PITPNA: variants seen among roughly 807,000 people sequenced by gnomAD.
The protein encoded by PITPNA is phosphatidylinositol transfer protein alpha.
In PITPNA, 13 loss-of-function variants were observed where a neutral mutation model predicts 50.3. The observed-to-expected ratio is 0.26, with a 90% CI of 0.17 to 0.41. PITPNA has a LOEUF of 0.41. Ranked by LOEUF, PITPNA falls within the 10% of genes least tolerant of loss-of-function variation. PITPNA has a pLI of 1.00. For synonymous variants in PITPNA, 120 were observed against 119.6 expected (o/e 1.00, Z -0.02); for missense variants, 207 against 333.4 (o/e 0.62, Z 2.95).
At chr17:1,551,352 C>T (rs1305200648) in intron 3 of PITPNA, among the ~76,000 whole-genome samples, 2 of 150,368 alleles carry the variant, frequency 1.3e-5, no homozygotes, top group South Asian at 2.1e-4. Context: ...AGTGCAGTGG[C>T]GTGACCATGG....
chr17:1,559,357 C>A (rs978408409), intron 1 of PITPNA, among the ~76,000 whole-genome samples: 1 of 152,210 alleles, frequency 6.6e-6, no homozygotes, highest in Non-Finnish European at 1.5e-5. Context: ...AAGCCGTGGC[C>A]GGCAAAGTCT....
rs531725770 is a variant in PITPNA, at chr17:1,534,675, T to G, written c.646-454A>C. 2.0e-5 allele frequency among the ~76,000 whole-genome samples: 3 copies of G among 152,316 alleles called. No homozygotes were observed. In the East Asian group the frequency reaches 5.8e-4, roughly 29 times the overall value. ...TCCTTAGACCTGCCCAGCAGAGTAA[T>G]TCAGGGCACCGGCCAACCTGGCTCC... On this transcript the variant is annotated intron_variant, in intron 9 of 11. Transcript: ENST00000313486.
At chr17:1,548,524 A>G (rs2075690862) in intron 3 of PITPNA, 137 bp from the exon 4 acceptor site, 1 of 610,126 alleles carries the variant, frequency 1.6e-6, no homozygotes, top group Non-Finnish European at 2.8e-6. Flanking sequence ...TGGGAGTGAG[A>G]AGTTACGTAT....
Position 1,535,899 on chromosome 17 carries a change from C to G in PITPNA, c.457-381G>C, listed in dbSNP as rs1397832766. The G allele has an allele frequency of 2.2e-5, 5 of 226,150 alleles. No homozygotes were observed. In the East Asian group the frequency reaches 6.2e-4, roughly 28 times the overall value. The allele number at this position is 226,150 out of a possible 1,614,324, so 14.0% of individuals were successfully genotyped here. A position where few individuals can be genotyped will look rare whatever the true frequency, so the allele number is the denominator to read the frequency against. On this transcript the variant is annotated intron_variant, in intron 7 of 11. Transcript: ENST00000313486. Reference sequence around the variant, plus strand: ...ACTAAAACCCAGTGACTGAGAATATCTGCAGGTGACGGCAGCACAGATTTG... The same window carrying G: ...ACTAAAACCCAGTGACTGAGAATATGTGCAGGTGACGGCAGCACAGATTTG...
chr17:1,530,179 G>GA (rs1388896133), intron 10 of PITPNA, among the ~76,000 whole-genome samples: 1 of 152,128 alleles, frequency 6.6e-6, no homozygotes, highest in African/African-American at 2.4e-5. Context: ...GGGAGACAGT[G>GA]AGTTCCCCAT....
At chr17:1,554,542 G>GT (rs2075726037) in intron 2 of PITPNA, among the ~76,000 whole-genome samples, 1 of 151,762 alleles carries the variant, frequency 6.6e-6, no homozygotes, top group South Asian at 2.1e-4. Context: ...CAGGGACTGG[G>GT]TTTTTCTCTC....
intron 7 of PITPNA, among the ~76,000 whole-genome samples, chr17:1,536,145 A>G (rs2075614484): frequency 6.6e-6 from 1 of 152,162 alleles, no homozygotes; most frequent in African/African-American, 2.4e-5. Flanking sequence ...AACCACAACA[A>G]AAGTTTAATT....
At chr17:1,543,431 T>C (rs189640362) in intron 4 of PITPNA, among the ~76,000 whole-genome samples, 30 of 152,270 alleles carry the variant, frequency 2.0e-4, no homozygotes, top group Non-Finnish European at 3.1e-4. Flanking sequence ...GCTTTGGCCA[T>C]GCACTGTATC....
At chr17:1,552,910 G>T in intron 3 of PITPNA, 94 bp downstream of exon 3, 2 of 1,260,276 alleles carry the variant, frequency 1.6e-6, no homozygotes, top group Non-Finnish European at 2.3e-6. Context: ...ATAACAATTA[G>T]TATAATCCCA....
At chr17:1,550,299 T>C (rs1055146584) in intron 3 of PITPNA, among the ~76,000 whole-genome samples, 2 of 152,126 alleles carry the variant, frequency 1.3e-5, no homozygotes, top group Admixed American at 6.6e-5. Context: ...CACAGGGCCC[T>C]GGGTGGCGGA....
intron 4 of PITPNA, among the ~76,000 whole-genome samples, chr17:1,547,541 T>C (rs189112348): frequency 1.7e-3 from 256 of 151,954 alleles, no homozygotes; most frequent in African/African-American, 5.9e-3. Context: ...TTCCAGCTAC[T>C]TGTATGGCTG....
chr17:1,556,550 G>A (rs1567587950), intron 2 of PITPNA, among the ~76,000 whole-genome samples: 1 of 152,126 alleles, frequency 6.6e-6, no homozygotes, highest in Non-Finnish European at 1.5e-5. Context: ...TTGGTCTGCA[G>A]CACTTCTCAG....
intron 6 of PITPNA, among the ~76,000 whole-genome samples, chr17:1,541,172 T>C (rs2151008630): frequency 6.6e-6 from 1 of 152,352 alleles, no homozygotes; most frequent in Non-Finnish European, 1.5e-5. Flanking sequence ...TGAGTCTCCT[T>C]GTATATATGT....
chr17:1,560,842 C>T (rs2075764468), intron 1 of PITPNA, among the ~76,000 whole-genome samples: 1 of 152,164 alleles, frequency 6.6e-6, no homozygotes, highest in African/African-American at 2.4e-5. Flanking sequence ...GGGGATGAGG[C>T]CTCAAAATAA....
chr17:1,545,915 G>GC (rs1205623387), intron 4 of PITPNA, among the ~76,000 whole-genome samples: 1 of 112,962 alleles, frequency 8.9e-6, no homozygotes, highest in East Asian at 2.6e-4. Flanking sequence ...ACTGCATACT[G>GC]CCTTTTTTTT....
At position 1,529,723 on chromosome 17, in the gene PITPNA, C is replaced by T. The variant is rs1008222367; in HGVS notation, c.768+4376G>A. 1.1e-4 allele frequency among the ~76,000 whole-genome samples: 16 copies of T among 151,756 alleles called. No homozygotes were observed. In the East Asian group the frequency reaches 1.6e-3, roughly 15 times the overall value. On this transcript the variant is annotated intron_variant, in intron 10 of 11. Coordinates refer to ENST00000313486, the MANE Select transcript of PITPNA (RefSeq NM_006224.4). Reference sequence around the variant, plus strand: ...TACAAAAATTAGCCAGGCGTGGTGGCGGGCACCTGTAGTCCCAGCTACTCA... The same window carrying T: ...TACAAAAATTAGCCAGGCGTGGTGGTGGGCACCTGTAGTCCCAGCTACTCA...
Position 1,548,358 on chromosome 17 carries a change from G to A in PITPNA, c.227C>T (p.Ala76Val), listed in dbSNP as rs771919953. ...GTGTATATTCAGGGCTCCCTCTGGG[G>A]CCAGCATTCGAACAAACGTGGGTAC... Reference protein sequence around the residue: ...SKVPTFVRMLAPEGALNIHEK... With the variant: ...SKVPTFVRMLVPEGALNIHEK... Residue 76 changes from alanine (A) to valine (V), a missense_variant, in exon 4 of 12, where the codon GCC becomes GTC. Coordinates refer to ENST00000313486, the MANE Select transcript of PITPNA (RefSeq NM_006224.4). 1 of 1,607,742 alleles carries A rather than the reference G, an allele frequency of 6.2e-7. No homozygotes were observed. The highest frequency in any genetic ancestry group is 1.3e-5 in the African/African-American group (1 of 74,716).
chr17:1,526,576 C>A (rs563223856), intron 10 of PITPNA, among the ~76,000 whole-genome samples: 8 of 152,166 alleles, frequency 5.3e-5, no homozygotes, highest in Non-Finnish European at 1.0e-4. Flanking sequence ...GGGAGCAAAG[C>A]TCCTTCTCAG....
At position 1,562,036 on chromosome 17, in the gene PITPNA, G is replaced by C. The variant is rs1184914857; in HGVS notation, c.20+505C>G. On this transcript the variant is annotated intron_variant, in intron 1 of 11. Transcript: ENST00000313486. This position sits in a 1 kb window ranked among gnomAD's most constrained non-coding sequence, Gnocchi z 6.4. Reference sequence around the variant, plus strand: ...TGAGCCCGCGCCCTCGGCCCGCGCAGAGCGACCCCACAGCACTCCCAGCGC... The same window carrying C: ...TGAGCCCGCGCCCTCGGCCCGCGCACAGCGACCCCACAGCACTCCCAGCGC... Among the ~76,000 whole-genome samples, 1 of 151,894 alleles carries C rather than the reference G, an allele frequency of 6.6e-6. No individual in the cohort carries two copies. Among genetic ancestry groups the C allele is most frequent in the Non-Finnish European group, 1.5e-5 (1 of 67,922 alleles).
Sources: allele counts gnomAD v4.1 joint callset (sites outside exome capture counted in the v4.1 genomes callset), GRCh38; gene constraint gnomAD v4.1.1; non-coding constraint Gnocchi (gnomAD v3.1); transcripts MANE v1.5; gene names NCBI Gene and HGNC (gene_info 2026-07-23, HGNC 2026-07-21).